Variants in SCMH1 observed in about 807,000 individuals in gnomAD.
The protein encoded by SCMH1 is polycomb protein SCMH1.
In SCMH1, 37 loss-of-function variants were observed where a neutral mutation model predicts 70.8. The ratio of observed to expected loss-of-function variants is 0.52; its 90% CI spans 0.40 to 0.69. The LOEUF is 0.69. Ranked by LOEUF, SCMH1 falls within the 30% of genes least tolerant of loss-of-function variation. The probability of loss-of-function intolerance (pLI) is 0.00; values close to 1 mark genes in which losing one functional copy is unlikely to be tolerated. For missense variants in SCMH1, 607 were observed against 827.3 expected (o/e 0.73, Z 3.27); for synonymous variants, 292 against 307.4 (o/e 0.95, Z 0.52).
At chr1:41,196,404 T>C (rs1189343424) in intron 1 of SCMH1, among the ~76,000 whole-genome samples, 1 of 152,070 alleles carries the variant, frequency 6.6e-6, no homozygotes, top group African/African-American at 2.4e-5. Flanking sequence ...AGCTCAAAAA[T>C]AGTTAATTTT....
intron 8 of SCMH1, among the ~76,000 whole-genome samples, chr1:41,099,445 T>C (rs2149084494): frequency 6.6e-6 from 1 of 152,348 alleles, no homozygotes; most frequent in South Asian, 2.1e-4. Context: ...ATTCTCAAAG[T>C]ACTTTAACAT....
At chr1:41,130,118 T>C (rs1674272175) in intron 6 of SCMH1, among the ~76,000 whole-genome samples, 1 of 152,200 alleles carries the variant, frequency 6.6e-6, no homozygotes, top group Admixed American at 6.5e-5. Flanking sequence ...AATTGGCCAT[T>C]TGTACATCTT....
intron 8 of SCMH1, among the ~76,000 whole-genome samples, chr1:41,105,938 G>A (rs529093376): frequency 2.0e-5 from 3 of 150,770 alleles, no homozygotes; most frequent in African/African-American, 4.9e-5. Flanking sequence ...GCAGTGGCAC[G>A]ATCTTGGCTC....
intron 1 of SCMH1, among the ~76,000 whole-genome samples, chr1:41,196,541 T>A (rs1434418798): frequency 6.6e-6 from 1 of 152,100 alleles, no homozygotes; most frequent in African/African-American, 2.4e-5. Flanking sequence ...ACAAAAAAAT[T>A]AACTCAAAAT....
intron 6 of SCMH1, among the ~76,000 whole-genome samples, chr1:41,132,536 GTTCT>G (rs1642525808): frequency 1.3e-5 from 2 of 152,284 alleles, no homozygotes; most frequent in Non-Finnish European, 2.9e-5. Flanking sequence ...CTGTGCAGAA[GTTCT>G]TTATTTTAAT....
At chr1:41,210,738 C>G (rs1479870125) in intron 1 of SCMH1, among the ~76,000 whole-genome samples, 2 of 151,776 alleles carry the variant, frequency 1.3e-5, no homozygotes, top group Non-Finnish European at 2.9e-5. Flanking sequence ...AATGTTAGAC[C>G]TAAAACCATA....
intron 8 of SCMH1, among the ~76,000 whole-genome samples, chr1:41,100,780 G>A (rs1332308514): frequency 2.6e-5 from 4 of 151,948 alleles, no homozygotes; most frequent in Non-Finnish European, 5.9e-5. Context: ...TGGTCAGGCT[G>A]GTCTCGAACT....
chr1:41,189,334 A>G (rs915274891), intron 1 of SCMH1, among the ~76,000 whole-genome samples: 1 of 152,070 alleles, frequency 6.6e-6, no homozygotes, highest in South Asian at 2.1e-4. Flanking sequence ...TATTTTTAGT[A>G]GAGACAGGGT....
intron 10 of SCMH1, among the ~76,000 whole-genome samples, chr1:41,068,303 A>G (rs893167120): frequency 1.3e-5 from 2 of 152,228 alleles, no homozygotes; most frequent in Admixed American, 6.5e-5. Context: ...GTAAGAACAG[A>G]GATACGACTA....
intron 1 of SCMH1, among the ~76,000 whole-genome samples, chr1:41,236,190 G>A (rs1203455406): frequency 2.0e-5 from 3 of 152,198 alleles, no homozygotes; most frequent in Non-Finnish European, 4.4e-5. Flanking sequence ...CCAAGGGTGT[G>A]TATAGCCAAA....
chr1:41,055,424 A>G (rs1047220131), intron 10 of SCMH1, among the ~76,000 whole-genome samples: 1 of 152,058 alleles, frequency 6.6e-6, no homozygotes, highest in Non-Finnish European at 1.5e-5. Context: ...ATCTCAGCTC[A>G]CTGCAAGCTC....
chr1:41,176,829 G>C (rs566166407), intron 2 of SCMH1, among the ~76,000 whole-genome samples: 1 of 152,176 alleles, frequency 6.6e-6, no homozygotes, highest in Non-Finnish European at 1.5e-5. Context: ...TCAGGGCAGG[G>C]CATAGCCAAA....
chr1:41,137,413 A>G (rs1215907467), intron 6 of SCMH1, among the ~76,000 whole-genome samples: 1 of 152,188 alleles, frequency 6.6e-6, no homozygotes, highest in Admixed American at 6.5e-5. Context: ...GATCATTTAT[A>G]AGGATCTAAA....
chr1:41,112,332 G>A lies in SCMH1; in HGVS notation c.745+951C>T, dbSNP rs554171381. Among the ~76,000 whole-genome samples, 3 of 152,228 alleles carry A rather than the reference G, an allele frequency of 2.0e-5. No individual in the cohort carries two copies. In the South Asian group the frequency reaches 6.2e-4, roughly 32 times the overall value. On this transcript the variant is annotated intron_variant, in intron 8 of 14. Transcript: ENST00000337495. ...TTAGAAAAAGATCCTCAGACAATAA[G>A]AAGGGTGACTTTTCATTCCCTCAGA... is the stretch of plus-strand genomic sequence containing the variant.
intron 13 of SCMH1, 26 bp downstream of exon 14, chr1:41,033,957 A>G: frequency 6.2e-7 from 1 of 1,613,722 alleles, no homozygotes; most frequent in Non-Finnish European, 8.5e-7. Context: ...TGGGGAAGAT[A>G]AAAATAACAG....
In SCMH1 at chr1:41,046,782, A is replaced by G. The variant is rs181282387; in HGVS notation, c.1307-184T>C. Reference sequence around the variant, plus strand: ...TCGAGGGCTTTGATTTTTGCCTCCAACTGTAAAGGGCTTGCAAATATGGGA... The same window carrying G: ...TCGAGGGCTTTGATTTTTGCCTCCAGCTGTAAAGGGCTTGCAAATATGGGA... On this transcript the variant is annotated intron_variant, in intron 11 of 14. Transcript: ENST00000337495. 557 of 585,220 alleles carry G rather than the reference A, an allele frequency of 9.5e-4. 3 individuals are homozygous for G. Among genetic ancestry groups the G allele is most frequent in the African/African-American group, 8.4e-3 (452 of 53,636 alleles). The allele number at this position is 585,220 out of a possible 1,614,324, so 36.3% of individuals were successfully genotyped here.
At chr1:41,093,266 C>T (rs148351839) in intron 8 of SCMH1, among the ~76,000 whole-genome samples, 2,025 of 151,406 alleles carry the variant, frequency 0.013, 47 homozygotes, top group African/African-American at 0.047. Context: ...AGCAAACTAT[C>T]GCAAGGACAG....
chr1:41,207,235 A>C (rs1655768635), intron 1 of SCMH1, among the ~76,000 whole-genome samples: 2 of 152,244 alleles, frequency 1.3e-5, no homozygotes, highest in Admixed American at 1.3e-4. Flanking sequence ...ATTAAAAGAC[A>C]CAGACTGGCA....
intron 6 of SCMH1, among the ~76,000 whole-genome samples, chr1:41,132,346 CTTT>C (rs1010986731): frequency 5.3e-5 from 8 of 152,246 alleles, no homozygotes; most frequent in African/African-American, 1.9e-4. Flanking sequence ...TAAATGTCTT[CTTT>C]TGAGAAGTGT....
Sources: gnomAD v4.1 joint callset for allele counts (sites outside exome capture counted in the v4.1 genomes callset) on GRCh38, gnomAD v4.1.1 for gene constraint, MANE v1.5 for transcripts, NCBI Gene and HGNC (gene_info 2026-07-23, HGNC 2026-07-21) for gene names.